The following TMEM255B variants were observed in gnomAD, a reference collection of about 807,000 sequenced individuals.
TMEM255B encodes the protein transmembrane protein 255B, also known as family with sequence similarity 70, member B.
Under a neutral mutation model 34.5 loss-of-function variants are expected in TMEM255B, and 35 were observed. The observed-to-expected ratio is 1.01, with a 90% CI of 0.77 to 1.34. The LOEUF (loss-of-function observed/expected upper bound fraction) is 1.34. Ranked by LOEUF, TMEM255B falls within the 40% of genes most tolerant of loss-of-function variation. The pLI is 0.00. For missense variants in TMEM255B, 432 were observed against 433.2 expected (o/e 1.00, Z 0.02); for synonymous variants, 206 against 201.2 (o/e 1.02, Z -0.20).
intron 3 of TMEM255B, among the ~76,000 whole-genome samples, chr13:113,773,149 C>A (rs1414373569): frequency 6.6e-6 from 1 of 152,134 alleles, no homozygotes; most frequent in African/African-American, 2.4e-5. Flanking sequence ...AAATGAAGTA[C>A]TTACCAAATT....
At chr13:113,783,255 C>T (rs1284111323) in intron 3 of TMEM255B, among the ~76,000 whole-genome samples, 1 of 152,108 alleles carries the variant, frequency 6.6e-6, no homozygotes, top group African/African-American at 2.4e-5. Context: ...TTTGTCCATG[C>T]CTGCGAGGGG....
chr13:113,802,923 G>A (rs1325497983), intron 7 of TMEM255B: 1 of 147,992 alleles, frequency 6.8e-6, no homozygotes, highest in Non-Finnish European at 1.5e-5. Flanking sequence ...GGGAGCGGGA[G>A]TCTGGGGTCG....
At chr13:113,764,558 C>A (rs904708749) in intron 1 of TMEM255B, among the ~76,000 whole-genome samples, 2 of 152,220 alleles carry the variant, frequency 1.3e-5, no homozygotes, top group Non-Finnish European at 1.5e-5. Flanking sequence ...CTGCCCTCTG[C>A]CCGCTGCCTG....
At chr13:113,810,427 C>T (rs1257304492) in intron 8 of TMEM255B, among the ~76,000 whole-genome samples, 4 of 152,206 alleles carry the variant, frequency 2.6e-5, no homozygotes, top group Non-Finnish European at 4.4e-5. Context: ...TGCCGTTCTT[C>T]GCTTTTCTGG....
rs575806463 is a variant in TMEM255B, at chr13:113,814,237, A to G, written c.*2334A>G. 6.6e-6 allele frequency: 1 copy of G among 152,252 alleles called. No homozygotes were observed. The highest frequency in any genetic ancestry group is 1.5e-5 in the Non-Finnish European group (1 of 68,082). The allele number at this position is 152,252 out of a possible 1,614,324, so 9.4% of individuals were successfully genotyped here. A position where few individuals can be genotyped will look rare whatever the true frequency, so the allele number is the denominator to read the frequency against. On this transcript the variant is annotated 3_prime_UTR_variant, in exon 9 of 9. Coordinates refer to ENST00000375353, the MANE Select transcript of TMEM255B (RefSeq NM_182614.4). ...GAGAAGCTGAACTGCAGGTCTGGGC[A>G]GGGAGTCTATGCCCCCTGGAGCTCT... is the stretch of plus-strand genomic sequence containing the variant.
At chr13:113,786,495 TCATCAC>T (rs1206681638) in intron 3 of TMEM255B, among the ~76,000 whole-genome samples, 3 of 150,564 alleles carry the variant, frequency 2.0e-5, no homozygotes, top group South Asian at 2.1e-4. Flanking sequence ...GTTGTCACCA[TCATCAC>T]CATCACCATC....
At chr13:113,780,983 C>A (rs1231142611) in intron 3 of TMEM255B, among the ~76,000 whole-genome samples, 4 of 152,292 alleles carry the variant, frequency 2.6e-5, no homozygotes, top group Non-Finnish European at 5.9e-5. Flanking sequence ...TATACAAACA[C>A]AGCCCAAAGA....
intron 1 of TMEM255B, among the ~76,000 whole-genome samples, chr13:113,764,346 G>T (rs942849968): frequency 3.3e-5 from 5 of 152,206 alleles, no homozygotes; most frequent in African/African-American, 1.2e-4. Flanking sequence ...CCCGGAGGGC[G>T]CAGGTGTGGC....
chr13:113,804,641 C>T (rs2051131103), intron 7 of TMEM255B, among the ~76,000 whole-genome samples: 1 of 144,564 alleles, frequency 6.9e-6, no homozygotes, highest in African/African-American at 2.5e-5. Flanking sequence ...TATAAACGCA[C>T]GCCGGGCCGG....
chr13:113,807,290 G>A lies in TMEM255B; in HGVS notation c.813+2262G>A, dbSNP rs536847098. Among the ~76,000 whole-genome samples the A allele has an allele frequency of 3.3e-5, 5 of 151,092 alleles. No homozygotes were observed. The South Asian group carries it at 6.3e-4, about 19-fold the overall frequency. ...TCCTTCCCGTCACACGCAGGCTTAC[G>A]GGATGTGGAGGGTGGTCCTCCCTGT... On this transcript the variant is annotated intron_variant, in intron 8 of 8. Transcript: ENST00000375353.
chr13:113,790,472 A>T (rs59411292), intron 3 of TMEM255B, among the ~76,000 whole-genome samples: 1 of 55,948 alleles, frequency 1.8e-5, no homozygotes, highest in African/African-American at 8.3e-5. Context: ...CCGGACACGT[A>T]GACATCCTAG....
intron 8 of TMEM255B, among the ~76,000 whole-genome samples, chr13:113,808,055 T>A (rs2051218412): frequency 6.6e-6 from 1 of 152,174 alleles, no homozygotes; most frequent in African/African-American, 2.4e-5. Context: ...CGCTGATAAT[T>A]GGATTTCAGA....
chr13:113,798,048 C>T (rs2050971892), intron 4 of TMEM255B, among the ~76,000 whole-genome samples: 1 of 152,136 alleles, frequency 6.6e-6, no homozygotes, highest in Non-Finnish European at 1.5e-5. Context: ...TGGATAGGGC[C>T]ACAAATGGGT....
chr13:113,768,809 C>G (rs879072701), intron 2 of TMEM255B: 2 of 523,106 alleles, frequency 3.8e-6, no homozygotes, highest in South Asian at 3.1e-5. Flanking sequence ...AAGATGTTGT[C>G]TCTGGGGGAG....
At chr13:113,765,582 G>T (rs1198499841) in intron 1 of TMEM255B, among the ~76,000 whole-genome samples, 1 of 152,180 alleles carries the variant, frequency 6.6e-6, no homozygotes, top group African/African-American at 2.4e-5. Flanking sequence ...GAGTCACACA[G>T]GGATCAAGAT....
At chr13:113,775,554 G>A (rs2050562079) in intron 3 of TMEM255B, among the ~76,000 whole-genome samples, 1 of 152,256 alleles carries the variant, frequency 6.6e-6, no homozygotes, top group Non-Finnish European at 1.5e-5. Context: ...CCGTGCCAAG[G>A]CCCCACGGCC....
intron 3 of TMEM255B, among the ~76,000 whole-genome samples, chr13:113,792,721 G>A (rs1331309548): frequency 6.6e-6 from 1 of 152,250 alleles, no homozygotes; most frequent in African/African-American, 2.4e-5. Context: ...CAATTAGGCA[G>A]AAGAGGAGAT....
intron 3 of TMEM255B, among the ~76,000 whole-genome samples, chr13:113,787,180 A>G (rs1240057781): frequency 6.6e-6 from 1 of 152,248 alleles, no homozygotes; most frequent in Non-Finnish European, 1.5e-5. Context: ...CTCCACAGTC[A>G]GCCACGTGCA....
In TMEM255B at chr13:113,773,438, C is replaced by T. The variant is rs144053239; in HGVS notation, c.252+4278C>T. ...TGCATGGGGACCATTTCTATGGCTT[C>T]GGTAAAAACACATGGGTACTGGAAT... On this transcript the variant is annotated intron_variant, in intron 3 of 8. Coordinates refer to ENST00000375353, the MANE Select transcript of TMEM255B (RefSeq NM_182614.4). 1.2e-4 allele frequency among the ~76,000 whole-genome samples: 18 copies of T among 152,190 alleles called. No homozygotes were observed. In the East Asian group the frequency reaches 1.3e-3, roughly 11 times the overall value.
Sources: gnomAD v4.1 joint callset for allele counts (sites outside exome capture counted in the v4.1 genomes callset) on GRCh38, gnomAD v4.1.1 for gene constraint, MANE v1.5 for transcripts, NCBI Gene and HGNC (gene_info 2026-07-23, HGNC 2026-07-21) for gene names.